The following GABRB1 variants were observed in gnomAD, a reference collection of about 807,000 sequenced individuals.
The protein encoded by GABRB1 is gamma-aminobutyric acid receptor subunit beta-1.
In GABRB1, 17 loss-of-function variants were observed where a neutral mutation model predicts 51.6. The observed-to-expected ratio is 0.33, with a 90% CI of 0.23 to 0.49. The LOEUF is 0.49. GABRB1 is among the 20% of genes least tolerant of loss of function. The pLI is 0.99. For synonymous variants in GABRB1, 247 were observed against 218.9 expected (o/e 1.13, Z -1.14); for missense variants, 410 against 600.6 (o/e 0.68, Z 3.32).
chr4:47,170,615 T>C (rs979666186), intron 4 of GABRB1, among the ~76,000 whole-genome samples: 2 of 152,138 alleles, frequency 1.3e-5, no homozygotes, highest in African/African-American at 4.8e-5. Flanking sequence ...TGAGATATGC[T>C]AGGTAAAAAT....
At chr4:47,397,659 CA>C (rs1293158469) in intron 5 of GABRB1, among the ~76,000 whole-genome samples, 1 of 152,094 alleles carries the variant, frequency 6.6e-6, no homozygotes, top group Non-Finnish European at 1.5e-5. Flanking sequence ...CTCCACCTCC[CA>C]GGTTCAAGCA....
At chr4:47,241,792 C>T (rs1463007442) in intron 4 of GABRB1, among the ~76,000 whole-genome samples, 3 of 152,148 alleles carry the variant, frequency 2.0e-5, no homozygotes, top group African/African-American at 7.2e-5. Context: ...AATTATAGGT[C>T]TGGTTCCTTA....
chr4:47,356,714 G>A (rs187771639), intron 5 of GABRB1, among the ~76,000 whole-genome samples: 1 of 152,128 alleles, frequency 6.6e-6, no homozygotes, highest in Non-Finnish European at 1.5e-5. Context: ...ATTTTCAAAC[G>A]GTCCTTTTAT....
rs917642810 is a variant in GABRB1, at chr4:47,033,848, G to A, written c.240+1364G>A. 2.0e-4 allele frequency among the ~76,000 whole-genome samples: 30 copies of A among 152,086 alleles called. 1 individual carries two copies. The highest frequency in any genetic ancestry group is 3.8e-4 in the Non-Finnish European group (26 of 67,994). ...GTCTCTGATTGTCGTGCTGGAAAAAGAAACTCAATTTTAAAAACGTAATAC... is the reference window on the plus strand; with the variant it reads ...GTCTCTGATTGTCGTGCTGGAAAAAAAAACTCAATTTTAAAAACGTAATAC... On this transcript the variant is annotated intron_variant, in intron 3 of 8. Coordinates refer to ENST00000295454, the MANE Select transcript of GABRB1 (RefSeq NM_000812.4).
At chr4:47,309,351 C>G (rs555916296) in intron 4 of GABRB1, among the ~76,000 whole-genome samples, 1 of 152,018 alleles carries the variant, frequency 6.6e-6, no homozygotes, top group South Asian at 2.1e-4. Flanking sequence ...CCTGCCCCAA[C>G]AGAAGTGAAT....
At chr4:47,347,538 C>T (rs1040187720) in intron 5 of GABRB1, among the ~76,000 whole-genome samples, 43 of 152,028 alleles carry the variant, frequency 2.8e-4, no homozygotes, top group African/African-American at 8.7e-4. Flanking sequence ...TAACTAAAGA[C>T]ACAGTTCTGC....
intron 4 of GABRB1, among the ~76,000 whole-genome samples, chr4:47,214,855 C>T (rs1467755991): frequency 2.0e-5 from 3 of 152,048 alleles, no homozygotes; most frequent in Non-Finnish European, 4.4e-5. Flanking sequence ...AAATATCTGT[C>T]TTCATTTCTT....
At chr4:47,032,350 C>G in intron 2 of GABRB1, 67 bp from the exon 3 acceptor site, 3 of 1,398,828 alleles carry the variant, frequency 2.1e-6, no homozygotes, top group Non-Finnish European at 2.9e-6. Context: ...CTGGGAAGCC[C>G]CCAGACCCTC....
At chr4:47,353,201 A>G (rs1350881231) in intron 5 of GABRB1, among the ~76,000 whole-genome samples, 4 of 152,156 alleles carry the variant, frequency 2.6e-5, no homozygotes, top group Non-Finnish European at 5.9e-5. Context: ...CCCACAACAC[A>G]TGGGAATTAT....
intron 5 of GABRB1, among the ~76,000 whole-genome samples, chr4:47,323,788 A>C (rs1725163636): frequency 6.6e-6 from 1 of 152,172 alleles, no homozygotes; most frequent in Non-Finnish European, 1.5e-5. Context: ...GTTTTGTTTA[A>C]CTTGATGTCA....
At chr4:47,103,299 C>A (rs997049484) in intron 3 of GABRB1, among the ~76,000 whole-genome samples, 1 of 151,936 alleles carries the variant, frequency 6.6e-6, no homozygotes, top group Non-Finnish European at 1.5e-5. Context: ...GAAAAACAAA[C>A]CTATGGCTTT....
At chr4:47,096,626 G>T (rs918191065) in intron 3 of GABRB1, among the ~76,000 whole-genome samples, 1 of 152,130 alleles carries the variant, frequency 6.6e-6, no homozygotes, top group African/African-American at 2.4e-5. Flanking sequence ...AATTATCCAG[G>T]TAGGCACAGT....
intron 5 of GABRB1, among the ~76,000 whole-genome samples, chr4:47,324,836 TA>T (rs1725201096): frequency 1.3e-5 from 2 of 152,260 alleles, no homozygotes; most frequent in African/African-American, 4.8e-5. Context: ...TCAGTCACTT[TA>T]ATCTCACTAT....
At chr4:47,252,507 C>CTTTT (rs34442754) in intron 4 of GABRB1, among the ~76,000 whole-genome samples, 1,304 of 116,306 alleles carry the variant, frequency 0.011, 93 homozygotes, top group African/African-American at 0.041. Flanking sequence ...TAGCAATTGC[C>CTTTT]TTTTTTTTTT....
In GABRB1 at chr4:47,104,826, A is replaced by G. The variant is rs1177925680; in HGVS notation, c.241-56423A>G. ...TCTCTCTGCTGAAATGACTTAGCTGAGTATGAATGCTGCCCAAGTTTTCTG... is the reference window on the plus strand; with the variant it reads ...TCTCTCTGCTGAAATGACTTAGCTGGGTATGAATGCTGCCCAAGTTTTCTG... On this transcript the variant is annotated intron_variant, in intron 3 of 8. Coordinates refer to ENST00000295454, the MANE Select transcript of GABRB1 (RefSeq NM_000812.4). Among the ~76,000 whole-genome samples, 3 of 152,024 alleles carry G rather than the reference A, an allele frequency of 2.0e-5. No individual in the cohort carries two copies. In the East Asian group the frequency reaches 5.8e-4, roughly 29 times the overall value.
chr4:47,387,399 G>T (rs539291852), intron 5 of GABRB1, among the ~76,000 whole-genome samples: 2 of 152,304 alleles, frequency 1.3e-5, no homozygotes, highest in Admixed American at 6.5e-5. Flanking sequence ...TTGAACCTGG[G>T]AGGTAGAGGT....
intron 3 of GABRB1, among the ~76,000 whole-genome samples, chr4:47,039,030 G>A (rs951276790): frequency 1.3e-5 from 2 of 152,028 alleles, no homozygotes; most frequent in Admixed American, 6.6e-5. Flanking sequence ...AGGGAAAGAC[G>A]TTAATAGTAG....
At chr4:47,221,657 A>G (rs1201165020) in intron 4 of GABRB1, among the ~76,000 whole-genome samples, 1 of 151,900 alleles carries the variant, frequency 6.6e-6, no homozygotes, top group Non-Finnish European at 1.5e-5. Flanking sequence ...CAAATACTGA[A>G]CTATTGCTCT....
At chr4:47,425,338 C>T (rs2110070298) in intron 8 of GABRB1, among the ~76,000 whole-genome samples, 1 of 151,426 alleles carries the variant, frequency 6.6e-6, no homozygotes, top group Admixed American at 6.6e-5. Context: ...GTGTTTCTAG[C>T]TTTGTTTCCA....
Sources: allele counts gnomAD v4.1 joint callset (sites outside exome capture counted in the v4.1 genomes callset), GRCh38; gene constraint gnomAD v4.1.1; transcripts MANE v1.5; gene names NCBI Gene and HGNC (gene_info 2026-07-23, HGNC 2026-07-21).